TNNI3K: variants seen among roughly 807,000 people sequenced by gnomAD.
TNNI3K encodes TNNI3 interacting kinase, also known as serine/threonine-protein kinase TNNI3K.
In TNNI3K, 140 loss-of-function variants were observed where a neutral mutation model predicts 114.5. The observed-to-expected ratio is 1.22, with a 90% CI of 1.07 to 1.41. The LOEUF (loss-of-function observed/expected upper bound fraction) is 1.41. TNNI3K is among the 40% of genes most tolerant of loss of function. The probability of loss-of-function intolerance (pLI) is 0.00; values close to 1 mark genes in which losing one functional copy is unlikely to be tolerated. For missense variants in TNNI3K, 1,125 were observed against 1,007.6 expected (o/e 1.12, Z -1.58); for synonymous variants, 347 against 347.5 (o/e 1.00, Z 0.02).
intron 23 of TNNI3K, among the ~76,000 whole-genome samples, chr1:74,524,669 C>CAGTAAAT: frequency 6.6e-6 from 1 of 151,316 alleles, no homozygotes; most frequent in South Asian, 2.1e-4. Context: ...GGAGATACAG[C>CAGTAAAT]AGCAAATAAA....
At chr1:74,426,441 G>A (rs574228648) in intron 17 of TNNI3K, among the ~76,000 whole-genome samples, 12 of 152,032 alleles carry the variant, frequency 7.9e-5, no homozygotes, top group Admixed American at 3.3e-4. Flanking sequence ...AACCTTGTTC[G>A]TTGATAAAGC....
intron 4 of TNNI3K, among the ~76,000 whole-genome samples, chr1:74,260,574 A>G (rs995205400): frequency 6.6e-6 from 1 of 152,186 alleles, no homozygotes; most frequent in Non-Finnish European, 1.5e-5. Context: ...AATCATATGC[A>G]GTACTTAGCA....
At chr1:74,478,731 C>T (rs968011580) in intron 21 of TNNI3K, among the ~76,000 whole-genome samples, 3 of 152,196 alleles carry the variant, frequency 2.0e-5, no homozygotes, top group Non-Finnish European at 2.9e-5. Context: ...ATGTGAACCC[C>T]ACCATCTATT....
intron 5 of TNNI3K, among the ~76,000 whole-genome samples, chr1:74,284,940 G>T (rs1657236281): frequency 6.6e-6 from 1 of 152,164 alleles, no homozygotes; most frequent in Admixed American, 6.5e-5. Flanking sequence ...CTCATAATTT[G>T]TCCTGAAAGG....
intron 23 of TNNI3K, among the ~76,000 whole-genome samples, chr1:74,496,551 G>T (rs1557606722): frequency 6.6e-6 from 1 of 151,996 alleles, no homozygotes; most frequent in East Asian, 1.9e-4. Context: ...CAGATGATAG[G>T]TTTGAGTTTT....
intron 5 of TNNI3K, among the ~76,000 whole-genome samples, chr1:74,314,237 T>C (rs1372964871): frequency 6.6e-6 from 1 of 151,172 alleles, no homozygotes; most frequent in African/African-American, 2.4e-5. Flanking sequence ...TGGTGATCAT[T>C]TAGAATATTG....
chr1:74,308,213 A>T (rs866922928), intron 5 of TNNI3K, among the ~76,000 whole-genome samples: 1 of 152,050 alleles, frequency 6.6e-6, no homozygotes, highest in Non-Finnish European at 1.5e-5. Context: ...CAGAATATAC[A>T]TTCTCCTCTG....
intron 20 of TNNI3K, among the ~76,000 whole-genome samples, chr1:74,456,205 A>T (rs1281923197): frequency 6.6e-6 from 1 of 152,140 alleles, no homozygotes; most frequent in Non-Finnish European, 1.5e-5. Flanking sequence ...TTTTAATAGG[A>T]CTTCTGAATG....
chr1:74,291,042 G>A (rs1214868069), intron 5 of TNNI3K, among the ~76,000 whole-genome samples: 1 of 151,654 alleles, frequency 6.6e-6, no homozygotes. Context: ...AGGAGTAATT[G>A]TTAAGTGGAT....
intron 5 of TNNI3K, among the ~76,000 whole-genome samples, chr1:74,274,195 C>A (rs2100899884): frequency 6.6e-6 from 1 of 151,806 alleles, no homozygotes; most frequent in African/African-American, 2.4e-5. Context: ...TAAAGAAAAT[C>A]ATAAGGATTA....
intron 17 of TNNI3K, among the ~76,000 whole-genome samples, chr1:74,405,164 T>G (rs2100599088): frequency 6.6e-6 from 1 of 152,026 alleles, no homozygotes; most frequent in Admixed American, 6.5e-5. Flanking sequence ...GTGGCTAAGT[T>G]TAGCTCTTAG....
At chr1:74,412,737 C>G (rs899025107) in intron 17 of TNNI3K, among the ~76,000 whole-genome samples, 2 of 152,148 alleles carry the variant, frequency 1.3e-5, no homozygotes, top group East Asian at 3.9e-4. Flanking sequence ...CCCTCAGCCT[C>G]CTGAGTAGCT....
intron 23 of TNNI3K, among the ~76,000 whole-genome samples, chr1:74,533,078 A>G (rs1242801147): frequency 6.6e-6 from 1 of 152,226 alleles, no homozygotes; most frequent in Non-Finnish European, 1.5e-5. Context: ...ATCTAATTAA[A>G]CTAAAGAGCT....
At chr1:74,293,499 A>G (rs1048832728) in intron 5 of TNNI3K, among the ~76,000 whole-genome samples, 3 of 151,680 alleles carry the variant, frequency 2.0e-5, no homozygotes, top group Non-Finnish European at 4.4e-5. Context: ...TGATAGAACT[A>G]TTTTTTAAAT....
At chr1:74,492,066 A>G (rs1669105987) in intron 22 of TNNI3K, 31 bp from the exon 23 acceptor site, 2 of 1,484,950 alleles carry the variant, frequency 1.3e-6, no homozygotes, top group Non-Finnish European at 1.8e-6. Flanking sequence ...TGGAAGTATT[A>G]AACAATTGAA....
At chr1:74,485,591 G>A (rs1668716809) in intron 21 of TNNI3K, among the ~76,000 whole-genome samples, 3 of 152,164 alleles carry the variant, frequency 2.0e-5, no homozygotes, top group South Asian at 4.1e-4. Context: ...TGAATATGAT[G>A]AGATATTACT....
chr1:74,389,123 C>T (rs1358157179), intron 17 of TNNI3K, among the ~76,000 whole-genome samples: 4 of 152,176 alleles, frequency 2.6e-5, no homozygotes, highest in Admixed American at 1.3e-4. Flanking sequence ...TGGCTTAGTA[C>T]AGGAGCATTT....
At chr1:74,446,192 C>G (rs1382032493) in intron 20 of TNNI3K, among the ~76,000 whole-genome samples, 1 of 152,072 alleles carries the variant, frequency 6.6e-6, no homozygotes, top group African/African-American at 2.4e-5. Context: ...CACATCCTCT[C>G]CAGCACCTGT....
At chr1:74,251,866 A>G (rs1654950236) in intron 4 of TNNI3K, among the ~76,000 whole-genome samples, 1 of 152,194 alleles carries the variant, frequency 6.6e-6, no homozygotes, top group Non-Finnish European at 1.5e-5. Flanking sequence ...GTCAATGCCT[A>G]GTCAATTCTT....
Sources: gnomAD v4.1 joint callset for allele counts (sites outside exome capture counted in the v4.1 genomes callset) on GRCh38, gnomAD v4.1.1 for gene constraint, MANE v1.5 for transcripts, NCBI Gene and HGNC (gene_info 2026-07-23, HGNC 2026-07-21) for gene names.